The following CARHSP1 variants were observed in gnomAD, a reference collection of about 807,000 sequenced individuals.
CARHSP1 encodes calcium regulated heat stable protein 1, also known as calcium-regulated heat-stable protein 1.
CARHSP1 carries 14 observed loss-of-function variants against 12.5 expected under a neutral mutation model. The observed-to-expected ratio is 1.12, with a 90% CI of 0.74 to 1.75. CARHSP1 has a LOEUF of 1.75. Ranked by LOEUF, CARHSP1 falls within the 40% of genes most tolerant of loss-of-function variation. The probability of loss-of-function intolerance (pLI) is 0.00; values close to 1 mark genes in which losing one functional copy is unlikely to be tolerated. For synonymous variants in CARHSP1, 161 were observed against 82.0 expected (o/e 1.96, Z -5.20); for missense variants, 343 against 201.6 (o/e 1.70, Z -4.25).
intron 2 of CARHSP1, 46 bp from the exon 3 acceptor site, chr16:8,858,518 G>T (rs200209809): frequency 1.1e-5 from 18 of 1,601,366 alleles, no homozygotes; most frequent in Non-Finnish European, 1.5e-5. Flanking sequence ...GCGCTCCTGG[G>T]CACACAAAGC....
chr16:8,858,863 C>T, intron 2 of CARHSP1: 1 of 406,088 alleles, frequency 2.5e-6, no homozygotes, highest in Non-Finnish European at 4.4e-6. Context: ...GCCCATTTTG[C>T]AGCTGCAGAA....
At chr16:8,858,166 TCA>T (rs1182113587) in intron 3 of CARHSP1, 182 bp downstream of exon 3, 3 of 695,712 alleles carry the variant, frequency 4.3e-6, no homozygotes, top group Non-Finnish European at 7.1e-6. Flanking sequence ...CCGTAGAGTC[TCA>T]CAACCCCAAC....
chr16:8,861,489 G>A (rs749098282), intron 1 of CARHSP1, among the ~76,000 whole-genome samples: 35 of 151,486 alleles, frequency 2.3e-4, no homozygotes, highest in Non-Finnish European at 3.2e-4. Context: ...CCCCCGAACC[G>A]CCTTCAAGCA....
At chr16:8,864,344 C>T (rs1321819313) in intron 1 of CARHSP1, among the ~76,000 whole-genome samples, 1 of 152,192 alleles carries the variant, frequency 6.6e-6, no homozygotes, top group Non-Finnish European at 1.5e-5. Context: ...TGTGCTGCCA[C>T]AGGGGACCTT....
At position 8,853,823 on chromosome 16, in the gene CARHSP1, C is replaced by T. The variant is rs903650632; in HGVS notation, c.*1341G>A. 1 of 152,210 alleles carries T rather than the reference C, an allele frequency of 6.6e-6. No homozygotes were observed. Among genetic ancestry groups the T allele is most frequent in the Non-Finnish European group, 1.5e-5 (1 of 68,048 alleles). The allele number at this position is 152,210 out of a possible 1,614,324, so 9.4% of individuals were successfully genotyped here. A position where few individuals can be genotyped will look rare whatever the true frequency, so the allele number is the denominator to read the frequency against. The stretch of plus-strand genomic sequence containing the variant: ...TTTGCAGGCCGGGCGCGATGGCTCA[C>T]ACTTGTAATCCCAGCACTTTGAGAG... On this transcript the variant is annotated 3_prime_UTR_variant, in exon 4 of 4. Coordinates refer to ENST00000311052, the MANE Select transcript of CARHSP1 (RefSeq NM_014316.4).
chr16:8,856,042 T>C (rs778252454), intron 3 of CARHSP1, among the ~76,000 whole-genome samples: 1 of 152,142 alleles, frequency 6.6e-6, no homozygotes, highest in Non-Finnish European at 1.5e-5. Flanking sequence ...CTCCTGACCT[T>C]AAGTGAGCCA....
Position 8,859,082 on chromosome 16 carries a change from G to T in CARHSP1, c.158+89C>A, listed in dbSNP as rs567353818. 3.8e-6 allele frequency: 5 copies of T among 1,315,754 alleles called. No homozygotes were observed. In the South Asian group the frequency reaches 7.6e-5, roughly 20 times the overall value. The allele number at this position is 1,315,754 out of a possible 1,614,324, so 81.5% of individuals were successfully genotyped here. ...TGCCTATTTGGCAGTCCGGGACATA[G>T]GCCCAAAAATGGCCAGAGACACAGT... is the stretch of plus-strand genomic sequence containing the variant. On this transcript the variant is annotated intron_variant, in intron 2 of 3. Coordinates refer to ENST00000311052, the MANE Select transcript of CARHSP1 (RefSeq NM_014316.4).
rs865842535 is a variant in CARHSP1, at chr16:8,867,071, G to T, written c.-8+1895C>A. On this transcript the variant is annotated intron_variant, in intron 1 of 3. Coordinates refer to ENST00000311052, the MANE Select transcript of CARHSP1 (RefSeq NM_014316.4). ...CGGACGGGCGACCCCACCCAGCAGG[G>T]AGACGGTCACCCCACCGCCACCACC... Among the ~76,000 whole-genome samples the T allele has an allele frequency of 2.1e-4, 32 of 152,170 alleles. 1 individual carries two copies. In the Middle Eastern group the frequency reaches 0.01, roughly 49 times the overall value.
chr16:8,860,545 T>G (rs2061319619), intron 1 of CARHSP1: 1 of 985,038 alleles, frequency 1.0e-6, no homozygotes, highest in South Asian at 4.7e-5. Flanking sequence ...GGGTAAGTCC[T>G]TTCCCATCTC....
intron 1 of CARHSP1, chr16:8,860,470 GC>G: frequency 3.0e-6 from 3 of 985,402 alleles, no homozygotes; most frequent in Non-Finnish European, 3.6e-6. Context: ...GAAGGTGTCG[GC>G]TCTAACGTGG....
intron 2 of CARHSP1, chr16:8,858,764 C>T: frequency 4.4e-6 from 2 of 457,344 alleles, no homozygotes; most frequent in Non-Finnish European, 7.8e-6. Context: ...TAATGATTTA[C>T]TATTAATAAC....
chr16:8,864,402 C>A (rs1177945517), intron 1 of CARHSP1, among the ~76,000 whole-genome samples: 1 of 152,148 alleles, frequency 6.6e-6, no homozygotes, highest in African/African-American at 2.4e-5. Flanking sequence ...GGGAGTGGGA[C>A]AGACCATGAC....
chr16:8,862,129 A>C (rs1007010436), intron 1 of CARHSP1, among the ~76,000 whole-genome samples: 2 of 151,050 alleles, frequency 1.3e-5, no homozygotes, highest in East Asian at 3.9e-4. Flanking sequence ...CAGCCTCCCA[A>C]GTAGCAGGGG....
At chr16:8,860,449 A>G in intron 1 of CARHSP1, 1 of 985,388 alleles carries the variant, frequency 1.0e-6, no homozygotes, top group Non-Finnish European at 1.2e-6. Context: ...TAATCACTGA[A>G]CATTGAATAT....
In CARHSP1 at chr16:8,859,309, G is replaced by A. The variant is rs146807732; in HGVS notation, c.20C>T (p.Pro7Leu). The A allele has an allele frequency of 1.1e-5, 18 of 1,602,154 alleles. No homozygotes were observed. The highest frequency in any genetic ancestry group is 2.2e-5 in the South Asian group (2 of 90,064). MSSEPP[P>L]PPQPPTHQAS... ...TTGATGGGTGGGGGGCTGTGGTGGT[G>A]GGGGAGGCTCAGATGACATGGCTGA... is the stretch of plus-strand genomic sequence containing the variant. Residue 7 changes from proline (P) to leucine (L), a missense_variant, in exon 2 of 4, where the codon CCA becomes CTA. Transcript: ENST00000311052.
At position 8,859,199 on chromosome 16, in the gene CARHSP1, G is replaced by C. The variant is rs200892360; in HGVS notation, c.130C>G (p.Pro44Ala). 12 of 1,603,852 alleles carry C rather than the reference G, an allele frequency of 7.5e-6. No homozygotes were observed. In the East Asian group the frequency reaches 2.2e-4, roughly 30 times the overall value. ...GAGAAGGTCCTCGTCCGGCGAGTGG[G>C]CAGTGGGCTTGGGACCACGTTGCCC... ...LRGNVVPSPL[P>A]TRRTRTFSAT... Residue 44 changes from proline (P) to alanine (A), a missense_variant, in exon 2 of 4, where the codon CCC becomes GCC. Pro to Ala is a conservative substitution (Grantham distance 27). Coordinates refer to ENST00000311052, the MANE Select transcript of CARHSP1 (RefSeq NM_014316.4).
rs745983108 is a variant in CARHSP1, at chr16:8,855,217, G to A, written c.391C>T (p.Leu131=). 6.2e-7 allele frequency: 1 copy of A among 1,613,026 alleles called. No homozygotes were observed. The highest frequency in any genetic ancestry group is 1.1e-5 in the South Asian group (1 of 90,954). Residue 131 remains leucine, a synonymous_variant, in exon 4 of 4, where the codon CTG becomes TTG. Transcript: ENST00000311052. ...GTCTCATGCTTGGTGCCTGGTGCCA[G>A]GTGAGTGATGACGACCTCCACGGCC... The part of the protein sequence containing the change: ...LQAVEVVITH[L]APGTKHETWS...
In CARHSP1 at chr16:8,855,157, C is replaced by T. The variant is rs2061055632; in HGVS notation, c.*7G>A. 1.3e-6 allele frequency: 2 copies of T among 1,570,370 alleles called. No homozygotes were observed. Among genetic ancestry groups the T allele is most frequent in the South Asian group, 1.2e-5 (1 of 86,162 alleles). ...AAGCACAGGACAAGGGGTGCTTCCA[C>T]CATCTCCTAGGAGCTGATGACATGT... is the stretch of plus-strand genomic sequence containing the variant. On this transcript the variant is annotated 3_prime_UTR_variant, in exon 4 of 4. Transcript: ENST00000311052.
intron 3 of CARHSP1, chr16:8,858,118 A>G (rs1190134788): frequency 3.6e-6 from 2 of 563,236 alleles, no homozygotes; most frequent in Non-Finnish European, 6.3e-6. Context: ...AATCACAAGT[A>G]CCGTGTCGCC....
Sources: allele counts gnomAD v4.1 joint callset (sites outside exome capture counted in the v4.1 genomes callset), GRCh38; gene constraint gnomAD v4.1.1; transcripts MANE v1.5; gene names NCBI Gene and HGNC (gene_info 2026-07-23, HGNC 2026-07-21).